GPHN: variants seen among roughly 807,000 people sequenced by gnomAD.
GPHN encodes the protein gephyrin.
A neutral mutation model predicts 95.5 loss-of-function variants in GPHN; 17 were observed. That is an observed-to-expected ratio of 0.18 (90% CI 0.12 to 0.27). GPHN has a LOEUF of 0.27. Ranked by LOEUF, GPHN falls within the 10% of genes least tolerant of loss-of-function variation. The pLI is 1.00. For synonymous variants in GPHN, 320 were observed against 322.5 expected (o/e 0.99, Z 0.08); for missense variants, 660 against 978.1 (o/e 0.67, Z 4.34).
the GPHN span, among the ~76,000 whole-genome samples, chr14:67,708,235 A>T: frequency 2.0e-5 from 3 of 152,180 alleles, no homozygotes; most frequent in African/African-American, 7.2e-5. Flanking sequence ...AAAAAAAAGG[A>T]TCAGCAACGT....
intron 2 of GPHN, among the ~76,000 whole-genome samples, chr14:66,728,423 G>A (rs747955289): frequency 4.6e-5 from 7 of 152,218 alleles, no homozygotes; most frequent in Non-Finnish European, 5.9e-5. Flanking sequence ...ACCTGGAAAA[G>A]CAGTGCACAC....
chr14:67,244,015 T>G, the GPHN span, among the ~76,000 whole-genome samples: 2 of 152,216 alleles, frequency 1.3e-5, no homozygotes, highest in Non-Finnish European at 2.9e-5. Flanking sequence ...TATTCTAAAT[T>G]CAGTGCTCTT....
chr14:67,295,223 G>T, the GPHN span, among the ~76,000 whole-genome samples: 1 of 151,590 alleles, frequency 6.6e-6, no homozygotes, highest in Non-Finnish European at 1.5e-5. Flanking sequence ...GGAGGCTCAC[G>T]CCTGTAATCC....
At chr14:66,670,862 A>G (rs1301298704) in intron 1 of GPHN, among the ~76,000 whole-genome samples, 2 of 152,194 alleles carry the variant, frequency 1.3e-5, no homozygotes, top group Non-Finnish European at 2.9e-5. Flanking sequence ...AAGAGGCAAA[A>G]TTGAGAATTG....
At chr14:67,320,502 T>C in the GPHN span, 2 of 1,090,232 alleles carry the variant, frequency 1.8e-6, no homozygotes, top group Non-Finnish European at 2.5e-6. Context: ...TAAAACACTG[T>C]TGTCAGTGAA....
At chr14:67,577,189 T>C in the GPHN span, 1 of 726,226 alleles carries the variant, frequency 1.4e-6, no homozygotes, top group Non-Finnish European at 2.4e-6. Context: ...AACCCAAGTG[T>C]TGACGGAAGA....
intron 1 of GPHN, among the ~76,000 whole-genome samples, chr14:66,655,089 G>A (rs558221782): frequency 6.6e-6 from 1 of 152,144 alleles, no homozygotes; most frequent in South Asian, 2.1e-4. Flanking sequence ...AATTGTTTTA[G>A]CTATTATAAT....
chr14:67,375,232 C>CTGTGTGTGTGTGTGTGTGTG, the GPHN span, among the ~76,000 whole-genome samples: 1 of 137,574 alleles, frequency 7.3e-6, no homozygotes, highest in Non-Finnish European at 1.6e-5. Context: ...ATCCTCAGTT[C>CTGTGTGTGTGTGTGTGTGTG]TGTGTGTGTG....
chr14:66,893,063 G>A (rs1029775536), intron 5 of GPHN, among the ~76,000 whole-genome samples: 1 of 152,148 alleles, frequency 6.6e-6, no homozygotes, highest in Non-Finnish European at 1.5e-5. Context: ...CACAGATGGT[G>A]TGAGGACCAC....
intron 2 of GPHN, among the ~76,000 whole-genome samples, chr14:66,710,468 G>A (rs998852177): frequency 6.6e-6 from 1 of 152,104 alleles, no homozygotes; most frequent in African/African-American, 2.4e-5. Context: ...TCACATACAT[G>A]TGAATATGAA....
chr14:66,833,322 C>G (rs570075136), intron 4 of GPHN, among the ~76,000 whole-genome samples: 2 of 152,236 alleles, frequency 1.3e-5, no homozygotes, highest in South Asian at 4.1e-4. Context: ...CAGGAGAACT[C>G]ACTATCATGA....
chr14:67,384,763 CT>C, the GPHN span: 1 of 152,154 alleles, frequency 6.6e-6, no homozygotes, highest in Non-Finnish European at 1.5e-5. Flanking sequence ...GAAGTTTTAA[CT>C]TCCAGTGGCT....
intron 10 of GPHN, among the ~76,000 whole-genome samples, chr14:67,033,119 G>A (rs1567233801): frequency 6.6e-6 from 1 of 151,956 alleles, no homozygotes; most frequent in Non-Finnish European, 1.5e-5. Flanking sequence ...GGAGCCAAAG[G>A]ATACAATAAC....
In GPHN at chr14:66,549,067, A is replaced by G. The variant is rs183457159; in HGVS notation, c.64+40476A>G. On this transcript the variant is annotated intron_variant, in intron 1 of 22. Transcript: ENST00000478722. The stretch of plus-strand genomic sequence containing the variant: ...AAGGATAATGTATCTAAATATATGT[A>G]TTATGTGTTAATTTATATATAAATA... Among the ~76,000 whole-genome samples, 95 of 152,136 alleles carry G rather than the reference A, an allele frequency of 6.2e-4. 2 individuals carry two copies. Among genetic ancestry groups the G allele is most frequent in the Admixed American group, 1.8e-3 (28 of 15,296 alleles).
intron 5 of GPHN, among the ~76,000 whole-genome samples, chr14:66,897,092 A>G (rs1473700561): frequency 1.3e-5 from 2 of 152,168 alleles, no homozygotes; most frequent in Non-Finnish European, 2.9e-5. Flanking sequence ...ATTGGCATGC[A>G]GTATAAGGAA....
At chr14:67,643,010 C>T in the GPHN span, among the ~76,000 whole-genome samples, 4,383 of 151,902 alleles carry the variant, frequency 0.029, 227 homozygotes, top group African/African-American at 0.1. Flanking sequence ...GCCATGTTGC[C>T]CAGACTGGTC....
chr14:66,708,843 G>A (rs10132813), intron 2 of GPHN, among the ~76,000 whole-genome samples: 47,293 of 151,974 alleles, frequency 0.31, 11,192 homozygotes, highest in African/African-American at 0.64. Context: ...TTAGCAGCAA[G>A]TACGGAGCTC....
chr14:67,582,244 T>A, the GPHN span: 3 of 1,612,956 alleles, frequency 1.9e-6, no homozygotes, highest in Non-Finnish European at 2.5e-6. This position sits in a 1 kb window ranked among gnomAD's most constrained non-coding sequence, Gnocchi z 5.0. Flanking sequence ...GAGGGTCGGG[T>A]TGCCAGCTTA....
intron 4 of GPHN, among the ~76,000 whole-genome samples, chr14:66,830,041 A>G (rs1357020313): frequency 6.6e-6 from 1 of 152,220 alleles, no homozygotes; most frequent in Non-Finnish European, 1.5e-5. Flanking sequence ...AGCTACACTT[A>G]TTTATGTATT....
Sources: gnomAD v4.1 joint callset for allele counts (sites outside exome capture counted in the v4.1 genomes callset) on GRCh38, gnomAD v4.1.1 for gene constraint, Gnocchi (gnomAD v3.1) non-coding constraint, MANE v1.5 for transcripts, NCBI Gene and HGNC (gene_info 2026-07-23, HGNC 2026-07-21) for gene names.